The following CATSPERE variants were observed in gnomAD, a reference collection of about 807,000 sequenced individuals.
The protein encoded by CATSPERE is catsper channel auxiliary subunit epsilon, also known as cation channel sperm-associated auxiliary subunit epsilon.
Under a neutral mutation model 114.1 loss-of-function variants are expected in CATSPERE, and 93 were observed. The observed-to-expected ratio is 0.81, with a 90% CI of 0.69 to 0.97. The LOEUF (loss-of-function observed/expected upper bound fraction) is 0.97, where lower values mean the gene tolerates loss of function less well. Among genes scored for constraint, CATSPERE ranks in the 50% least tolerant of loss-of-function variants. The probability of loss-of-function intolerance (pLI) is 0.00; values close to 1 mark genes in which losing one functional copy is unlikely to be tolerated. For synonymous variants in CATSPERE, 341 were observed against 384.1 expected, an observed-to-expected ratio of 0.89 and a Z score of 1.31; for missense variants, 1,058 against 1,131.6, an observed-to-expected ratio of 0.93 and a Z score of 0.93.
At chr1:244,467,065 C>T (rs1044702234) in intron 2 of CATSPERE, among the ~76,000 whole-genome samples, 1 of 152,192 alleles carries the variant, frequency 6.6e-6, no homozygotes, top group Non-Finnish European at 1.5e-5. Context: ...GAATACAATA[C>T]ACAACAGTCA....
chr1:244,508,462 A>G (rs976327350), intron 7 of CATSPERE, among the ~76,000 whole-genome samples: 6 of 151,584 alleles, frequency 4.0e-5, no homozygotes, highest in Admixed American at 6.6e-5. Flanking sequence ...CACCACGCCC[A>G]GCTAATTTTT....
chr1:244,511,283 G>A (rs904031873), intron 7 of CATSPERE, among the ~76,000 whole-genome samples: 5 of 151,972 alleles, frequency 3.3e-5, no homozygotes, highest in African/African-American at 1.2e-4. Context: ...AGCTACTCCT[G>A]CTCACTTTGA....
intron 20 of CATSPERE, among the ~76,000 whole-genome samples, chr1:244,631,352 G>GT (rs1673921990): frequency 1.3e-5 from 2 of 151,998 alleles, no homozygotes; most frequent in Admixed American, 6.5e-5. Flanking sequence ...AAAACTCATA[G>GT]AAGATAACTA....
In CATSPERE at chr1:244,583,899, G is replaced by A. The variant is rs200609163; in HGVS notation, c.2045G>A (p.Arg682Gln). Reference sequence around the variant, plus strand: ...ACGGGTCTTGTGCTGGTTCAGTTTCGACCTAGTGAATATTCAAAAGCATGT... The same window carrying A: ...ACGGGTCTTGTGCTGGTTCAGTTTCAACCTAGTGAATATTCAAAAGCATGT... ...KHTGLVLVQFRPSEYSKACPI... is the reference protein window; with the variant it reads ...KHTGLVLVQFQPSEYSKACPI... The change falls in exon 13 of 22, where the codon CGA becomes CAA. Residue 682 changes from arginine to glutamine, a missense_variant. Physicochemically the swap from Arg to Gln is conservative, Grantham distance 43. Around this residue, in one of 2 missense-constraint regions of CATSPERE, gnomAD observed 787 missense variants for 905.6 expected, o/e 0.87. Coordinates refer to ENST00000366534, the MANE Select transcript of CATSPERE (RefSeq NM_001130957.2). The A allele has an allele frequency of 2.6e-4, 413 of 1,613,970 alleles. No individual in the cohort carries two copies. The highest frequency in any genetic ancestry group is 4.8e-4 in the Admixed American group (29 of 60,000).
At chr1:244,588,193 C>CAAAAAAAA (rs34464391) in intron 13 of CATSPERE, among the ~76,000 whole-genome samples, 1 of 107,988 alleles carries the variant, frequency 9.3e-6, no homozygotes, top group Admixed American at 9.9e-5. Context: ...GACTTCATCT[C>CAAAAAAAA]AAAAAAAAAA....
chr1:244,626,630 C>T (rs1036831163), intron 20 of CATSPERE, among the ~76,000 whole-genome samples: 2 of 152,150 alleles, frequency 1.3e-5, no homozygotes, highest in Non-Finnish European at 1.5e-5. Context: ...GCTGCAGCTT[C>T]TCCATCAGCA....
At chr1:244,583,454 A>G (rs1209451055) in intron 12 of CATSPERE, among the ~76,000 whole-genome samples, 1 of 152,168 alleles carries the variant, frequency 6.6e-6, no homozygotes, top group African/African-American at 2.4e-5. Context: ...GGTGCTATCA[A>G]TACGAGGGGA....
chr1:244,525,372 A>G (rs537722984), intron 8 of CATSPERE, among the ~76,000 whole-genome samples: 61 of 151,378 alleles, frequency 4.0e-4, no homozygotes. Context: ...ATAGCTCTGG[A>G]AGATATACCT....
At chr1:244,534,618 T>G (rs1191708254) in intron 8 of CATSPERE, among the ~76,000 whole-genome samples, 2 of 56,502 alleles carry the variant, frequency 3.5e-5, no homozygotes, top group Non-Finnish European at 6.7e-5. Flanking sequence ...TTCTTTTTAA[T>G]TACTTCAATC....
At chr1:244,480,092 A>G (rs1422441225) in intron 5 of CATSPERE, among the ~76,000 whole-genome samples, 1 of 152,222 alleles carries the variant, frequency 6.6e-6, no homozygotes, top group Non-Finnish European at 1.5e-5. Context: ...GATGGGTTAA[A>G]CAATTTGGAA....
chr1:244,606,746 C>CACAT (rs1327374860), intron 18 of CATSPERE, among the ~76,000 whole-genome samples: 2 of 151,896 alleles, frequency 1.3e-5, no homozygotes, highest in South Asian at 2.1e-4. Flanking sequence ...GGACTACAGG[C>CACAT]ACATGCCACT....
chr1:244,463,647 A>T (rs74589806), intron 1 of CATSPERE, among the ~76,000 whole-genome samples: 3 of 61,562 alleles, frequency 4.9e-5, no homozygotes, highest in African/African-American at 2.3e-4. Context: ...TTCATCTTAC[A>T]AAAAAAAAAA....
At chr1:244,570,468 C>A (rs1328840324) in intron 10 of CATSPERE, among the ~76,000 whole-genome samples, 1 of 152,062 alleles carries the variant, frequency 6.6e-6, no homozygotes, top group Non-Finnish European at 1.5e-5. Flanking sequence ...TAACTTTAGT[C>A]ATCTCTTGCC....
rs527461116 is a variant in CATSPERE, at chr1:244,492,643, G to T, written c.351+2172G>T. Among the ~76,000 whole-genome samples, 480 of 152,252 alleles carry T rather than the reference G, an allele frequency of 3.2e-3. 3 individuals are homozygous for T. The highest frequency in any genetic ancestry group is 0.011 in the African/African-American group (455 of 41,526). On this transcript the variant is annotated intron_variant, in intron 6 of 21. Coordinates refer to ENST00000366534, the MANE Select transcript of CATSPERE (RefSeq NM_001130957.2). ...CAAAGGGTATTAAATTGGGAAAAGA[G>T]GAAGTCAAATTGTCCCTGTTTGCAG...
intron 8 of CATSPERE, among the ~76,000 whole-genome samples, chr1:244,551,100 G>T (rs1280404187): frequency 1.3e-5 from 2 of 152,120 alleles, no homozygotes; most frequent in African/African-American, 4.8e-5. Context: ...GATTATCAAA[G>T]GACAGGAGAA....
At chr1:244,458,529 GA>G (rs573336535), upstream of CATSPERE, among the ~76,000 whole-genome samples, 7 of 149,430 alleles carry the variant, frequency 4.7e-5, no homozygotes, top group South Asian at 2.1e-4. Flanking sequence ...TGGAATGGAG[GA>G]AAAAAAAACA....
chr1:244,464,009 TTAGAGCA>T, intron 2 of CATSPERE, 53 bp downstream of exon 2: 1 of 1,302,972 alleles, frequency 7.7e-7, no homozygotes, highest in South Asian at 1.2e-5. Flanking sequence ...TTTTTGAACT[TTAGAGCA>T]GAGAGCAGAG....
chr1:244,510,395 G>A (rs888424517), intron 7 of CATSPERE, among the ~76,000 whole-genome samples: 18 of 151,968 alleles, frequency 1.2e-4, no homozygotes, highest in Admixed American at 6.6e-4. Flanking sequence ...GTCCACTTTC[G>A]TCCATGTATT....
At chr1:244,498,868 A>T in intron 6 of CATSPERE, 134 bp from the exon 7 acceptor site, 1 of 547,012 alleles carries the variant, frequency 1.8e-6, no homozygotes, top group Non-Finnish European at 3.2e-6. Flanking sequence ...CCTGCACTCC[A>T]GCCTGGGCGA....
Sources: allele counts gnomAD v4.1 joint callset (sites outside exome capture counted in the v4.1 genomes callset), GRCh38; gene constraint gnomAD v4.1.1; regional missense constraint gnomAD v4.1.1; transcripts MANE v1.5; gene names NCBI Gene and HGNC (gene_info 2026-07-23, HGNC 2026-07-21).